ADGRL2: variants seen among roughly 807,000 people sequenced by gnomAD.
ADGRL2 encodes calcium-independent alpha-latrotoxin receptor 2.
Under a neutral mutation model 157.4 loss-of-function variants are expected in ADGRL2, and 44 were observed. That is an observed-to-expected ratio of 0.28 (90% CI 0.22 to 0.36). The LOEUF is 0.36. ADGRL2 is among the 10% of genes least tolerant of loss of function. The pLI is 1.00. For synonymous variants in ADGRL2, 585 were observed against 624.7 expected, an observed-to-expected ratio of 0.94 and a Z score of 0.95; for missense variants, 1,510 against 1,768.9, an observed-to-expected ratio of 0.85 and a Z score of 2.63.
intron 2 of ADGRL2, among the ~76,000 whole-genome samples, chr1:81,455,292 G>A (rs2077781260): frequency 6.6e-6 from 1 of 152,166 alleles, no homozygotes; most frequent in South Asian, 2.1e-4. Context: ...AACGTGGAAA[G>A]GAAACTAGGA....
chr1:81,686,326 C>A (rs2083227790), intron 3 of ADGRL2, among the ~76,000 whole-genome samples: 1 of 151,996 alleles, frequency 6.6e-6, no homozygotes, highest in South Asian at 2.1e-4. Flanking sequence ...TGTTATTGGT[C>A]TGTTTGGGAT....
At chr1:81,491,478 G>A (rs1336743853) in intron 2 of ADGRL2, among the ~76,000 whole-genome samples, 1 of 152,026 alleles carries the variant, frequency 6.6e-6, no homozygotes, top group Non-Finnish European at 1.5e-5. Flanking sequence ...ATATTTGTAA[G>A]CCTAGAGATG....
rs561843845 is a variant in ADGRL2 at position 81,505,912 on chromosome 1, C to A, written c.-248+60823C>A. On this transcript the variant is annotated intron_variant, in intron 2 of 24. Transcript: ENST00000370721. ...TTCATTAAAATCATGTAAAAAGCAC[C>A]ACGCTGTGCAAAAGATGGGCCCAAA... 9.6e-6 allele frequency: 3 copies of A among 313,308 alleles called. No individual in the cohort carries two copies. The East Asian group carries it at 2.2e-4, about 23-fold the overall frequency. 19.4% of individuals were successfully genotyped at this position (313,308 alleles called of 1,614,324 possible). A position where few individuals can be genotyped will look rare whatever the true frequency, so the allele number is the denominator to read the frequency against.
intron 3 of ADGRL2, among the ~76,000 whole-genome samples, chr1:81,916,900 T>C (rs2094868439): frequency 1.3e-5 from 2 of 152,012 alleles, no homozygotes; most frequent in Admixed American, 6.6e-5. Context: ...GTTTTTGTAC[T>C]AGGTTAGGAA....
chr1:81,532,317 C>T (rs548559244), intron 2 of ADGRL2, among the ~76,000 whole-genome samples: 3 of 152,212 alleles, frequency 2.0e-5, no homozygotes, highest in African/African-American at 7.2e-5. Flanking sequence ...CCTAATGTTT[C>T]CTCTACTTTA....
At chr1:81,424,999 C>T (rs2077186362) in intron 1 of ADGRL2, among the ~76,000 whole-genome samples, 1 of 152,146 alleles carries the variant, frequency 6.6e-6, no homozygotes, top group South Asian at 2.1e-4. Context: ...CAAAATGTCA[C>T]CTTGTGTGAA....
intron 2 of ADGRL2, among the ~76,000 whole-genome samples, chr1:81,876,091 C>G (rs897605718): frequency 6.6e-6 from 1 of 152,130 alleles, no homozygotes; most frequent in South Asian, 2.1e-4. Context: ...ACCAGAGTTA[C>G]CATATTTGAG....
chr1:81,416,578 C>T (rs1194854061), intron 1 of ADGRL2, among the ~76,000 whole-genome samples: 2 of 152,092 alleles, frequency 1.3e-5, no homozygotes, highest in Non-Finnish European at 2.9e-5. Flanking sequence ...CCTATTTTAA[C>T]GTTCACATTT....
chr1:81,512,694 GA>G (rs985963942), intron 2 of ADGRL2, among the ~76,000 whole-genome samples: 23 of 152,000 alleles, frequency 1.5e-4, no homozygotes, highest in African/African-American at 3.1e-4. Flanking sequence ...CCAGTAGGGG[GA>G]AAAAATACCC....
chr1:81,714,020 AG>A (rs2084025400), intron 1 of ADGRL2, among the ~76,000 whole-genome samples: 1 of 152,198 alleles, frequency 6.6e-6, no homozygotes, highest in Admixed American at 6.5e-5. Flanking sequence ...AGCAGGCAAG[AG>A]GGTGTGTGCA....
At chr1:81,543,497 G>A (rs992707727) in intron 2 of ADGRL2, among the ~76,000 whole-genome samples, 3 of 152,046 alleles carry the variant, frequency 2.0e-5, no homozygotes, top group East Asian at 1.9e-4. Context: ...TTGTTAAAGC[G>A]GTATGAATGG....
chr1:81,977,078 C>A (rs1660380048), intron 17 of ADGRL2, among the ~76,000 whole-genome samples: 1 of 151,708 alleles, frequency 6.6e-6, no homozygotes, highest in Non-Finnish European at 1.5e-5. Context: ...GGCTGTAGAG[C>A]CCAGACCACA....
intron 2 of ADGRL2, among the ~76,000 whole-genome samples, chr1:81,545,624 C>A (rs12095896): frequency 0.63 from 96,441 of 151,958 alleles, 30,795 homozygotes; most frequent in East Asian, 0.67. Context: ...ACTGAAACAT[C>A]TCTTTTACAT....
intron 2 of ADGRL2, among the ~76,000 whole-genome samples, chr1:81,876,149 C>T (rs978091145): frequency 3.9e-5 from 6 of 152,024 alleles, no homozygotes; most frequent in African/African-American, 7.2e-5. Context: ...GTGCTTTCCA[C>T]GCAAGACTTT....
chr1:81,467,477 C>T (rs542632246), intron 2 of ADGRL2, among the ~76,000 whole-genome samples: 28 of 152,294 alleles, frequency 1.8e-4, no homozygotes, highest in Admixed American at 1.4e-3. Flanking sequence ...TTACAGCGCT[C>T]CAGTCAGAGC....
At chr1:81,641,375 T>A (rs541407875) in intron 3 of ADGRL2, among the ~76,000 whole-genome samples, 1 of 152,316 alleles carries the variant, frequency 6.6e-6, no homozygotes. Context: ...ATACACATTC[T>A]TCTCAAACTC....
Position 81,553,931 on chromosome 1 carries a change from T to C in ADGRL2, c.-247-26945T>C, listed in dbSNP as rs372314070. Among the ~76,000 whole-genome samples the C allele has an allele frequency of 4.6e-5, 7 of 152,214 alleles. No individual in the cohort carries two copies. In the East Asian group the frequency reaches 1.2e-3, roughly 25 times the overall value. ...AATAGAACCAACACTGTTTTGCTTA[T>C]GTATGGGCAGGTAGTTTATAAGCTT... On this transcript the variant is annotated intron_variant, in intron 2 of 24. Transcript: ENST00000370721.
chr1:81,699,608 A>T (rs1022707729), upstream of ADGRL2: 2 of 152,242 alleles, frequency 1.3e-5, no homozygotes, highest in Non-Finnish European at 2.9e-5. Flanking sequence ...AATTCATGCC[A>T]ATATGACACC....
At position 81,681,819 on chromosome 1, in the gene ADGRL2, C is replaced by G. The variant is rs375485475; in HGVS notation, c.-142-79992C>G. 7.6e-4 allele frequency among the ~76,000 whole-genome samples: 115 copies of G among 152,190 alleles called. 3 individuals carry two copies. In the South Asian group the frequency reaches 0.023, roughly 30 times the overall value. Reference sequence around the variant, plus strand: ...TTTTTATAAAATGGATGATTCATATCGTTAATCATGCAGTTTCTATTTGAT... The same window carrying G: ...TTTTTATAAAATGGATGATTCATATGGTTAATCATGCAGTTTCTATTTGAT... On this transcript the variant is annotated intron_variant, in intron 3 of 24. Transcript: ENST00000370721.
Sources: allele counts gnomAD v4.1 joint callset (sites outside exome capture counted in the v4.1 genomes callset), GRCh38; gene constraint gnomAD v4.1.1; transcripts MANE v1.5; gene names NCBI Gene and HGNC (gene_info 2026-07-23, HGNC 2026-07-21).